Variants in M1AP observed in about 807,000 individuals in gnomAD.
The protein encoded by M1AP is meiosis 1 associated protein.
Under a neutral mutation model 51.2 loss-of-function variants are expected in M1AP, and 39 were observed. That is an observed-to-expected ratio of 0.76 (90% CI 0.59 to 1.00). The LOEUF is 1.00. M1AP is among the 50% of genes least tolerant of loss of function. M1AP has a pLI of 0.00. For missense variants in M1AP, 545 were observed against 641.2 expected (o/e 0.85, Z 1.62); for synonymous variants, 251 against 249.2 (o/e 1.01, Z -0.07).
intron 2 of M1AP, among the ~76,000 whole-genome samples, chr2:74,621,145 A>G (rs1453905871): frequency 2.6e-5 from 4 of 151,542 alleles, no homozygotes; most frequent in Admixed American, 1.3e-4. Flanking sequence ...AGCCAGGCGT[A>G]GTGGCGGGCG....
At chr2:74,559,594 C>T (rs1677768073) in intron 10 of M1AP, 104 bp downstream of exon 10, 1 of 699,380 alleles carries the variant, frequency 1.4e-6, no homozygotes, top group Admixed American at 2.2e-5. Flanking sequence ...ACTCTTCCCT[C>T]TTCAACCCCA....
chr2:74,581,044 C>T (rs1274826241), intron 5 of M1AP, among the ~76,000 whole-genome samples: 2 of 152,082 alleles, frequency 1.3e-5, no homozygotes, highest in Non-Finnish European at 2.9e-5. Flanking sequence ...TCTAGTGGGA[C>T]CTGGAATGAA....
In M1AP at chr2:74,647,327, T is replaced by A. The variant is rs2104873092; in HGVS notation, c.-53+938A>T. On this transcript the variant is annotated intron_variant, in intron 1 of 10. Transcript: ENST00000421985. ...CTGCCTCTGCGGATGTTCTGTTCCG[T>A]GCTGAGCATTCTAGGTTAGGGCCCC... The A allele has an allele frequency of 3.0e-6, 3 of 985,394 alleles. No individual in the cohort carries two copies. In the South Asian group the frequency reaches 1.4e-4, roughly 46 times the overall value. 61.0% of individuals were successfully genotyped at this position (985,394 alleles called of 1,614,324 possible). A position where few individuals can be genotyped will look rare whatever the true frequency, so the allele number is the denominator to read the frequency against.
chr2:74,638,251 A>G (rs1426409742), intron 2 of M1AP, among the ~76,000 whole-genome samples: 1 of 151,826 alleles, frequency 6.6e-6, no homozygotes, highest in Non-Finnish European at 1.5e-5. Flanking sequence ...GTGGGGTTTT[A>G]CCATGTTGGC....
intron 7 of M1AP, among the ~76,000 whole-genome samples, chr2:74,566,614 G>A (rs1208291161): frequency 1.3e-5 from 2 of 152,092 alleles, no homozygotes; most frequent in South Asian, 2.1e-4. Flanking sequence ...ACTGACTCAC[G>A]CTAGGCTGCT....
At chr2:74,603,914 C>T (rs1294882883) in intron 4 of M1AP, among the ~76,000 whole-genome samples, 3 of 152,080 alleles carry the variant, frequency 2.0e-5, no homozygotes, top group South Asian at 2.1e-4. Context: ...TCGATGGTAT[C>T]AGAACAGTGG....
chr2:74,603,382 C>A (rs954113089), intron 4 of M1AP, among the ~76,000 whole-genome samples: 1 of 152,154 alleles, frequency 6.6e-6, no homozygotes, highest in Non-Finnish European at 1.5e-5. Flanking sequence ...CGAGAAGACA[C>A]AATTATTGCA....
chr2:74,564,732 T>C (rs1678263890), intron 7 of M1AP, among the ~76,000 whole-genome samples: 1 of 152,108 alleles, frequency 6.6e-6, no homozygotes, highest in Non-Finnish European at 1.5e-5. Flanking sequence ...GGATTGTGGG[T>C]TGGACCTGCC....
intron 2 of M1AP, among the ~76,000 whole-genome samples, chr2:74,617,677 A>G (rs898328671): frequency 6.6e-6 from 1 of 152,206 alleles, no homozygotes; most frequent in Admixed American, 6.5e-5. Flanking sequence ...TTAAAATAAA[A>G]GTTAAAAAAA....
chr2:74,569,795 G>A (rs1360510396), intron 7 of M1AP, among the ~76,000 whole-genome samples: 1 of 152,088 alleles, frequency 6.6e-6, no homozygotes, highest in African/African-American at 2.4e-5. Flanking sequence ...TGTCAGAGAG[G>A]CTAAGTCAAT....
At chr2:74,572,969 C>A (rs1313585299) in intron 7 of M1AP, among the ~76,000 whole-genome samples, 1 of 152,244 alleles carries the variant, frequency 6.6e-6, no homozygotes, top group African/African-American at 2.4e-5. Flanking sequence ...ATCCTCAAAC[C>A]CTGAGTTTAG....
rs538979794 is a variant in M1AP at position 74,579,765 on chromosome 2, C to T, written c.769+1909G>A. On this transcript the variant is annotated intron_variant, in intron 5 of 10. Transcript: ENST00000421985. ...CAAGAAAGAGCTGTGTAATGTTTAA[C>T]GGGCAATGTCTTCTTTCTTTTTTTT... Among the ~76,000 whole-genome samples the T allele has an allele frequency of 4.6e-5, 7 of 152,028 alleles. No individual in the cohort carries two copies. In the South Asian group the frequency reaches 1.0e-3, roughly 23 times the overall value.
chr2:74,635,357 C>G (rs1429606651), intron 2 of M1AP, among the ~76,000 whole-genome samples: 1 of 151,998 alleles, frequency 6.6e-6, no homozygotes, highest in African/African-American at 2.4e-5. Context: ...TATTGGTAAT[C>G]TGTATTTTCT....
chr2:74,622,478 G>A (rs1682111853), intron 2 of M1AP, among the ~76,000 whole-genome samples: 1 of 151,180 alleles, frequency 6.6e-6, no homozygotes, highest in Admixed American at 6.6e-5. Context: ...CAGGTGATCT[G>A]CCCGCCTTGG....
intron 2 of M1AP, among the ~76,000 whole-genome samples, chr2:74,625,088 T>A (rs1682289272): frequency 2.0e-5 from 3 of 152,170 alleles, no homozygotes; most frequent in Non-Finnish European, 2.9e-5. Flanking sequence ...CAAATTCTCA[T>A]GAAAATGTGT....
intron 5 of M1AP, 42 bp downstream of exon 5, chr2:74,581,632 T>C (rs1336284349): frequency 6.3e-7 from 1 of 1,586,280 alleles, no homozygotes; most frequent in South Asian, 1.1e-5. Context: ...TGATCCCAGA[T>C]AAGAATAATC....
chr2:74,647,869 G>T, intron 1 of M1AP: 1 of 281,724 alleles, frequency 3.5e-6, no homozygotes, highest in Non-Finnish European at 5.4e-6. Context: ...ACTCCAGCTT[G>T]GGCAACAAGG....
chr2:74,611,236 A>G (rs1681321521), intron 3 of M1AP, among the ~76,000 whole-genome samples: 1 of 152,230 alleles, frequency 6.6e-6, no homozygotes, highest in Non-Finnish European at 1.5e-5. Context: ...TTTGTAGAGT[A>G]GTTAAGAAGA....
At chr2:74,588,055 A>C (rs1317003538) in intron 4 of M1AP, among the ~76,000 whole-genome samples, 1 of 152,180 alleles carries the variant, frequency 6.6e-6, no homozygotes, top group Non-Finnish European at 1.5e-5. Context: ...GAGGCCCAGG[A>C]AAGTAGAGGC....
Sources: gnomAD v4.1 joint callset for allele counts (sites outside exome capture counted in the v4.1 genomes callset) on GRCh38, gnomAD v4.1.1 for gene constraint, MANE v1.5 for transcripts, NCBI Gene and HGNC (gene_info 2026-07-23, HGNC 2026-07-21) for gene names.